IRX3: variants seen among roughly 807,000 people sequenced by gnomAD.
The protein encoded by IRX3 is iroquois homeobox 3.
Under a neutral mutation model 36.4 loss-of-function variants are expected in IRX3, and 20 were observed. The observed-to-expected ratio is 0.55, with a 90% CI of 0.39 to 0.80. The LOEUF is 0.80. Ranked by LOEUF, IRX3 falls within the 30% of genes least tolerant of loss-of-function variation. The probability of loss-of-function intolerance (pLI) is 0.00; values close to 1 mark genes in which losing one functional copy is unlikely to be tolerated. For synonymous variants in IRX3, 404 were observed against 351.6 expected (o/e 1.15, Z -1.67); for missense variants, 718 against 733.2 (o/e 0.98, Z 0.24).
chr16:54,285,992 G>A lies in IRX3; in HGVS notation c.59C>T (p.Pro20Leu), dbSNP rs1249626343. The change falls in exon 1 of 4, where the codon CCG becomes CTG. Residue 20 changes from proline to leucine, a missense_variant. By Grantham distance (98) the Pro-to-Leu change is moderately conservative. This residue lies in a region of IRX3 where 204 missense variants were observed against 181.4 expected (regional missense o/e 1.12). Transcript: ENST00000329734. This position sits in a 1 kb window ranked among gnomAD's most constrained non-coding sequence, Gnocchi z 5.7. The stretch of plus-strand genomic sequence containing the variant: ...GCCGCCGCTGCCGCCAGCGGCCCCC[G>A]GGCGCTCGGACGGGTAAAGCGGGCG... ...YIRPLYPSER[P>L]GAAGGSGGSA... 22 of 1,358,224 alleles carry A rather than the reference G, an allele frequency of 1.6e-5. No homozygotes were observed. Among genetic ancestry groups the A allele is most frequent in the South Asian group, 2.0e-5 (1 of 51,152 alleles). 84.1% of individuals were successfully genotyped at this position (1,358,224 alleles called of 1,614,324 possible).
At position 54,285,445 on chromosome 16, in the gene IRX3, G is replaced by A; in HGVS notation, c.436C>T (p.Leu146Phe). ...RESTSTLKAW[L>F]NEHRKNPYPT... ...TAGGGGTTCTTGCGGTGCTCGTTGA[G>A]CCAGGCCTTCAGCGTGCTGGTGCTC... is the stretch of plus-strand genomic sequence containing the variant. The change falls in exon 2 of 4, where the codon CTC (leucine) becomes TTC (phenylalanine). Residue 146 changes from leucine to phenylalanine, a missense_variant. By Grantham distance (22) the Leu-to-Phe change is conservative. Around this residue, in one of 3 missense-constraint regions of IRX3, gnomAD observed 46 missense variants for 89.7 expected, o/e 0.51. Transcript: ENST00000329734. The surrounding 1 kb of genome is among the most constrained non-coding windows in gnomAD (Gnocchi z 5.7). 1 of 1,614,140 alleles carries A rather than the reference G, an allele frequency of 6.2e-7. No homozygotes were observed. The highest frequency in any genetic ancestry group is 8.5e-7 in the Non-Finnish European group (1 of 1,180,040).
chr16:54,283,767 A>G lies in IRX3; in HGVS notation c.1452-27T>C, dbSNP rs769685100. ...TGGAAGAGAGAGACAGTAGTAGCAA[A>G]AGAGGTGAGATTCAGGAGCGCAGAG... On this transcript the variant is annotated intron_variant, in intron 3 of 3. Coordinates refer to ENST00000329734, the MANE Select transcript of IRX3 (RefSeq NM_024336.3). This position sits in a 1 kb window ranked among gnomAD's most constrained non-coding sequence, Gnocchi z 4.4. The G allele has an allele frequency of 6.2e-7, 1 of 1,611,860 alleles. No individual in the cohort carries two copies. Among genetic ancestry groups the G allele is most frequent in the South Asian group, 1.1e-5 (1 of 90,736 alleles).
At position 54,285,369 on chromosome 16, in the gene IRX3, A is replaced by G; in HGVS notation, c.512T>C (p.Leu171Pro). The G allele has an allele frequency of 6.2e-7, 1 of 1,614,096 alleles. No individual in the cohort carries two copies. Among genetic ancestry groups the G allele is most frequent in the South Asian group, 1.1e-5 (1 of 91,076 alleles). Residue 171 changes from leucine to proline, a missense_variant, in exon 2 of 4, where the codon CTC becomes CCC. Physicochemically the swap from Leu to Pro is moderately conservative, Grantham distance 98 (BLOSUM62 -3). Coordinates refer to ENST00000329734, the MANE Select transcript of IRX3 (RefSeq NM_024336.3). The surrounding 1 kb of genome is among the most constrained non-coding windows in gnomAD (Gnocchi z 5.7). ...IMLAIITKMT[L>P]TQVSTWFANA... ...GGCGAACCAGGTGGACACCTGGGTG[A>G]GGGTCATCTTGGTGATGATGGCCAG...
rs1254582231 is a variant in IRX3, at chr16:54,286,155, G to A, written c.-105C>T. 2 of 1,087,054 alleles carry A rather than the reference G, an allele frequency of 1.8e-6. No individual in the cohort carries two copies. The highest frequency in any genetic ancestry group is 2.2e-6 in the Non-Finnish European group (2 of 892,502). The allele number at this position is 1,087,054 out of a possible 1,614,324, so 67.3% of individuals were successfully genotyped here. A position where few individuals can be genotyped will look rare whatever the true frequency, so the allele number is the denominator to read the frequency against. ...GCATCGGGGGCTGGGCCGGGCTTGG[G>A]GCCGCGCTGCCGCCCGCGCTGCGCT... On this transcript the variant is annotated 5_prime_UTR_variant, in exon 1 of 4. Transcript: ENST00000329734.
Position 54,284,828 on chromosome 16 carries a change from G to C in IRX3, c.1053C>G (p.Ser351=). The C allele has an allele frequency of 6.6e-7, 1 of 1,522,836 alleles. No individual in the cohort carries two copies. Among genetic ancestry groups the C allele is most frequent in the South Asian group, 1.3e-5 (1 of 79,052 alleles). The allele number at this position is 1,522,836 out of a possible 1,614,324, so 94.3% of individuals were successfully genotyped here. The change falls in exon 2 of 4, where the codon TCC becomes TCG. Residue 351 remains serine, a synonymous_variant. Coordinates refer to ENST00000329734, the MANE Select transcript of IRX3 (RefSeq NM_024336.3). The surrounding 1 kb of genome is among the most constrained non-coding windows in gnomAD (Gnocchi z 4.0). ...ASALQKPKIW[S]LAETATSPDN... ...CCGGGCTTGTGGCAGTCTCCGCGAG[G>C]GACCAGATCTTGGGCTTCTGCAGGG... is the stretch of plus-strand genomic sequence containing the variant.
At position 54,284,403 on chromosome 16, in the gene IRX3, G is replaced by A. The variant is rs1319839395; in HGVS notation, c.1385-91C>T. ...AGAAAGCAGGAGTGGAGAGGGACGCGCGCCCTGCGCCCCCCGGGCCCTGCC... is the reference window on the plus strand; with the variant it reads ...AGAAAGCAGGAGTGGAGAGGGACGCACGCCCTGCGCCCCCCGGGCCCTGCC... On this transcript the variant is annotated intron_variant, in intron 2 of 3. Coordinates refer to ENST00000329734, the MANE Select transcript of IRX3 (RefSeq NM_024336.3). The surrounding 1 kb of genome is among the most constrained non-coding windows in gnomAD (Gnocchi z 4.0). The A allele has an allele frequency of 2.8e-6, 4 of 1,452,950 alleles. No individual in the cohort carries two copies. Among genetic ancestry groups the A allele is most frequent in the Non-Finnish European group, 2.7e-6 (3 of 1,108,910 alleles). 90.0% of individuals were successfully genotyped at this position (1,452,950 alleles called of 1,614,324 possible). A position where few individuals can be genotyped will look rare whatever the true frequency, so the allele number is the denominator to read the frequency against.
In IRX3 at chr16:54,284,994, C is replaced by A. The variant is rs1209189230; in HGVS notation, c.887G>T (p.Ser296Ile). The A allele has an allele frequency of 6.2e-7, 1 of 1,613,430 alleles. No homozygotes were observed. Among genetic ancestry groups the A allele is most frequent in the Non-Finnish European group, 8.5e-7 (1 of 1,179,940 alleles). ...TGGCCGGTCCTCTAAGCCCTCAGAG[C>A]TATCTTCCGAGTCGCTATTTTTGGA... is the stretch of plus-strand genomic sequence containing the variant. ...SDSKNSDSED[S>I]SEGLEDRPLP... The change falls in exon 2 of 4, where the codon AGC (serine) becomes ATC (isoleucine). Residue 296 changes from serine (S) to isoleucine (I), a missense_variant. Coordinates refer to ENST00000329734, the MANE Select transcript of IRX3 (RefSeq NM_024336.3). The surrounding 1 kb of genome is among the most constrained non-coding windows in gnomAD (Gnocchi z 4.0).
Position 54,285,667 on chromosome 16 carries a change from C to T in IRX3, c.268-54G>A. The stretch of plus-strand genomic sequence containing the variant: ...CGCGCGGAGGGAGCGCGAGTGAGCC[C>T]CAGCCATCGCTGCCTCCCCCCTCCT... On this transcript the variant is annotated intron_variant, in intron 1 of 3. Coordinates refer to ENST00000329734, the MANE Select transcript of IRX3 (RefSeq NM_024336.3). The surrounding 1 kb of genome is among the most constrained non-coding windows in gnomAD (Gnocchi z 5.7). 1 of 1,463,230 alleles carries T rather than the reference C, an allele frequency of 6.8e-7. No homozygotes were observed. The highest frequency in any genetic ancestry group is 2.6e-5 in the Admixed American group (1 of 39,164). 90.6% of individuals were successfully genotyped at this position (1,463,230 alleles called of 1,614,324 possible). A position where few individuals can be genotyped will look rare whatever the true frequency, so the allele number is the denominator to read the frequency against.
rs1437701153 is a variant in IRX3 at position 54,284,873 on chromosome 16, G to T, written c.1008C>A (p.Pro336=). The T allele has an allele frequency of 1.3e-6, 2 of 1,548,768 alleles. No homozygotes were observed. Among genetic ancestry groups the T allele is most frequent in the East Asian group, 4.6e-5 (2 of 43,208 alleles). ...SPPVSLDPCA[P]APAPASALQK... ...GCAGGGCGGAGGCGGGGGCTGGTGC[G>T]GGAGCGCAGGGGTCCAGGCTCACGG... is the stretch of plus-strand genomic sequence containing the variant. Residue 336 remains proline (P), a synonymous_variant, in exon 2 of 4, where the codon CCC becomes CCA. Transcript: ENST00000329734. This position sits in a 1 kb window ranked among gnomAD's most constrained non-coding sequence, Gnocchi z 4.0.
Position 54,286,231 on chromosome 16 carries a change from G to A in IRX3, c.-181C>T. The A allele has an allele frequency of 9.9e-7, 1 of 1,010,990 alleles. No individual in the cohort carries two copies. The allele number at this position is 1,010,990 out of a possible 1,614,324, so 62.6% of individuals were successfully genotyped here. A position where few individuals can be genotyped will look rare whatever the true frequency, so the allele number is the denominator to read the frequency against. On this transcript the variant is annotated 5_prime_UTR_variant, in exon 1 of 4. Coordinates refer to ENST00000329734, the MANE Select transcript of IRX3 (RefSeq NM_024336.3). ...GCTCCGCGGCGGCGACGGCGGCGGCGAGGGCGGCGGCGAGGAGCCAGGTCA... is the reference window on the plus strand; with the variant it reads ...GCTCCGCGGCGGCGACGGCGGCGGCAAGGGCGGCGGCGAGGAGCCAGGTCA...
chr16:54,284,170 C>T lies in IRX3; in HGVS notation c.1451+76G>A, dbSNP rs1198951021. 7.7e-6 allele frequency: 11 copies of T among 1,423,374 alleles called. No homozygotes were observed. In the South Asian group the frequency reaches 8.5e-5, roughly 11 times the overall value. 88.2% of individuals were successfully genotyped at this position (1,423,374 alleles called of 1,614,324 possible). A position where few individuals can be genotyped will look rare whatever the true frequency, so the allele number is the denominator to read the frequency against. ...TTCCCCCCTACCCCGGGGCAAAAGG[C>T]CGTGCGTGGTGCTCGGCGTCCTCTC... On this transcript the variant is annotated intron_variant, in intron 3 of 3. Coordinates refer to ENST00000329734, the MANE Select transcript of IRX3 (RefSeq NM_024336.3). This position sits in a 1 kb window ranked among gnomAD's most constrained non-coding sequence, Gnocchi z 4.0.
rs1448482417 is a variant in IRX3 at position 54,285,733 on chromosome 16, G to A, written c.267+51C>T. On this transcript the variant is annotated intron_variant, in intron 1 of 3. Transcript: ENST00000329734. This position sits in a 1 kb window ranked among gnomAD's most constrained non-coding sequence, Gnocchi z 5.7. The stretch of plus-strand genomic sequence containing the variant: ...AGTCCGGCCCCCGCGCGCTCAGCTC[G>A]CCCTGCGCCCCAGCGCCAACCCCTC... 6 of 1,473,860 alleles carry A rather than the reference G, an allele frequency of 4.1e-6. No homozygotes were observed. The highest frequency in any genetic ancestry group is 5.3e-6 in the Non-Finnish European group (6 of 1,121,628). 91.3% of individuals were successfully genotyped at this position (1,473,860 alleles called of 1,614,324 possible). A position where few individuals can be genotyped will look rare whatever the true frequency, so the allele number is the denominator to read the frequency against.
Position 54,284,969 on chromosome 16 carries a change from T to C in IRX3, c.912A>G (p.Pro304=), listed in dbSNP as rs1190198097. Residue 304 remains proline, a synonymous_variant, in exon 2 of 4, where the codon CCA becomes CCG. Transcript: ENST00000329734. This position sits in a 1 kb window ranked among gnomAD's most constrained non-coding sequence, Gnocchi z 4.0. ...EDSSEGLEDR[P]LPVLSLAPAP... ...CTGGAGCCAGACTCAGGACCGGTAG[T>C]GGCCGGTCCTCTAAGCCCTCAGAGC... The C allele has an allele frequency of 1.2e-6, 2 of 1,611,740 alleles. No homozygotes were observed. Among genetic ancestry groups the C allele is most frequent in the Non-Finnish European group, 1.7e-6 (2 of 1,179,548 alleles).
chr16:54,284,357 G>C lies in IRX3; in HGVS notation c.1385-45C>G, dbSNP rs749927133. The stretch of plus-strand genomic sequence containing the variant: ...AAAAAGGAGGGCCTTTAGAGCGCTC[G>C]GTGCCGGCGCCCAGGGCCGCAGAAA... On this transcript the variant is annotated intron_variant, in intron 2 of 3. Transcript: ENST00000329734. This position sits in a 1 kb window ranked among gnomAD's most constrained non-coding sequence, Gnocchi z 4.0. 1.5e-5 allele frequency: 24 copies of C among 1,574,830 alleles called. No homozygotes were observed. Among genetic ancestry groups the C allele is most frequent in the African/African-American group, 2.8e-5 (2 of 71,666 alleles).
At position 54,284,104 on chromosome 16, in the gene IRX3, A is replaced by G. The variant is rs1276843066; in HGVS notation, c.1451+142T>C. ...CAGGGCCGACAGGGGCGACTGAAAAAGTGACTTTCGTCCCCTTTTACAAAA... is the reference window on the plus strand; with the variant it reads ...CAGGGCCGACAGGGGCGACTGAAAAGGTGACTTTCGTCCCCTTTTACAAAA... On this transcript the variant is annotated intron_variant, in intron 3 of 3. Coordinates refer to ENST00000329734, the MANE Select transcript of IRX3 (RefSeq NM_024336.3). The surrounding 1 kb of genome is among the most constrained non-coding windows in gnomAD (Gnocchi z 4.0). 6 of 1,138,058 alleles carry G rather than the reference A, an allele frequency of 5.3e-6. No individual in the cohort carries two copies. The highest frequency in any genetic ancestry group is 7.4e-6 in the Non-Finnish European group (6 of 814,818). The allele number at this position is 1,138,058 out of a possible 1,614,324, so 70.5% of individuals were successfully genotyped here.
chr16:54,286,363 G>A lies in IRX3; in HGVS notation c.-313C>T. On this transcript the variant is annotated 5_prime_UTR_variant, in exon 1 of 4. Coordinates refer to ENST00000329734, the MANE Select transcript of IRX3 (RefSeq NM_024336.3). ...GCCGCGCTCCCTCCTCTCGGCCGCCGGAGCTGCCTCTGCCCGCTCCTCGCT... is the reference window on the plus strand; with the variant it reads ...GCCGCGCTCCCTCCTCTCGGCCGCCAGAGCTGCCTCTGCCCGCTCCTCGCT... The A allele has an allele frequency of 1.0e-6, 1 of 987,590 alleles. No individual in the cohort carries two copies. The highest frequency in any genetic ancestry group is 1.7e-5 in the African/African-American group (1 of 57,404). 61.2% of individuals were successfully genotyped at this position (987,590 alleles called of 1,614,324 possible). A position where few individuals can be genotyped will look rare whatever the true frequency, so the allele number is the denominator to read the frequency against.
chr16:54,286,212 C>T lies in IRX3; in HGVS notation c.-162G>A. ...CGCGTTCGCCTATTGATCTGCTCCG[C>T]GGCGGCGACGGCGGCGGCGAGGGCG... On this transcript the variant is annotated 5_prime_UTR_variant, in exon 1 of 4. Coordinates refer to ENST00000329734, the MANE Select transcript of IRX3 (RefSeq NM_024336.3). 1 of 525,968 alleles carries T rather than the reference C, an allele frequency of 1.9e-6. No individual in the cohort carries two copies. Among genetic ancestry groups the T allele is most frequent in the Non-Finnish European group, 2.4e-6 (1 of 409,192 alleles). 32.6% of individuals were successfully genotyped at this position (525,968 alleles called of 1,614,324 possible).
chr16:54,284,129 A>C lies in IRX3; in HGVS notation c.1451+117T>G, dbSNP rs1323374332. On this transcript the variant is annotated intron_variant, in intron 3 of 3. Coordinates refer to ENST00000329734, the MANE Select transcript of IRX3 (RefSeq NM_024336.3). The surrounding 1 kb of genome is among the most constrained non-coding windows in gnomAD (Gnocchi z 4.0). ...AGTGACTTTCGTCCCCTTTTACAAA[A>C]TGCGTCCCAGCAGGGTTCCCCCCTA... 5 of 1,178,300 alleles carry C rather than the reference A, an allele frequency of 4.2e-6. No homozygotes were observed. Among genetic ancestry groups the C allele is most frequent in the Non-Finnish European group, 4.8e-6 (4 of 837,614 alleles). The allele number at this position is 1,178,300 out of a possible 1,614,324, so 73.0% of individuals were successfully genotyped here. A position where few individuals can be genotyped will look rare whatever the true frequency, so the allele number is the denominator to read the frequency against.
Position 54,284,089 on chromosome 16 carries a change from A to G in IRX3, c.1451+157T>C. 8.9e-7 allele frequency: 1 copy of G among 1,119,552 alleles called. No individual in the cohort carries two copies. The allele number at this position is 1,119,552 out of a possible 1,614,324, so 69.4% of individuals were successfully genotyped here. ...CCTGGAGAGCTGTCGCAGGGCCGAC[A>G]GGGGCGACTGAAAAAGTGACTTTCG... is the stretch of plus-strand genomic sequence containing the variant. On this transcript the variant is annotated intron_variant, in intron 3 of 3. Coordinates refer to ENST00000329734, the MANE Select transcript of IRX3 (RefSeq NM_024336.3). The surrounding 1 kb of genome is among the most constrained non-coding windows in gnomAD (Gnocchi z 4.0).
Sources: gnomAD v4.1 joint callset for allele counts on GRCh38, gnomAD v4.1.1 for gene constraint, gnomAD v4.1.1 regional missense constraint, Gnocchi (gnomAD v3.1) non-coding constraint, MANE v1.5 for transcripts, NCBI Gene and HGNC (gene_info 2026-07-23, HGNC 2026-07-21) for gene names.